KCNQ3: variants seen among roughly 807,000 people sequenced by gnomAD.
KCNQ3 encodes potassium voltage-gated channel subfamily Q member 3.
A neutral mutation model predicts 92.5 loss-of-function variants in KCNQ3; 30 were observed. The ratio of observed to expected loss-of-function variants is 0.32; its 90% CI spans 0.24 to 0.44. KCNQ3 has a LOEUF of 0.44. Ranked by LOEUF, KCNQ3 falls within the 20% of genes least tolerant of loss-of-function variation. KCNQ3 has a pLI of 1.00. For missense variants in KCNQ3, 913 were observed against 1,140.3 expected (o/e 0.80, Z 2.87); for synonymous variants, 450 against 468.8 (o/e 0.96, Z 0.52).
chr8:132,420,112 CT>C (rs1219319668), intron 1 of KCNQ3, among the ~76,000 whole-genome samples: 3 of 152,232 alleles, frequency 2.0e-5, no homozygotes, highest in African/African-American at 7.2e-5. Flanking sequence ...ACACCTTCTC[CT>C]TGTGGTCTCA....
chr8:132,224,125 G>A (rs1323440245), intron 1 of KCNQ3, among the ~76,000 whole-genome samples: 3 of 108,296 alleles, frequency 2.8e-5, no homozygotes, highest in African/African-American at 6.6e-5. Flanking sequence ...TGGAGAGACA[G>A]GGTGTTGCTA....
intron 1 of KCNQ3, among the ~76,000 whole-genome samples, chr8:132,363,997 CTG>C (rs1433399305): frequency 6.6e-6 from 1 of 151,814 alleles, no homozygotes; most frequent in Non-Finnish European, 1.5e-5. Context: ...AGTTTGTGTT[CTG>C]TTCTTGGCTA....
At chr8:132,238,994 G>A (rs898567076) in intron 1 of KCNQ3, among the ~76,000 whole-genome samples, 1 of 152,238 alleles carries the variant, frequency 6.6e-6, no homozygotes, top group African/African-American at 2.4e-5. Flanking sequence ...GCAAAGTCAT[G>A]AAATACTTTA....
intron 1 of KCNQ3, among the ~76,000 whole-genome samples, chr8:132,261,308 A>G (rs565705540): frequency 6.6e-6 from 1 of 152,234 alleles, no homozygotes; most frequent in East Asian, 1.9e-4. Context: ...CTGCCTTCAT[A>G]TGTGCCTGCC....
At chr8:132,263,500 G>A (rs1236414614) in intron 1 of KCNQ3, among the ~76,000 whole-genome samples, 1 of 152,208 alleles carries the variant, frequency 6.6e-6, no homozygotes, top group Non-Finnish European at 1.5e-5. Context: ...TCCTGAGGCT[G>A]GGGCTGGATG....
chr8:132,360,981 T>C (rs1819150784), intron 1 of KCNQ3, among the ~76,000 whole-genome samples: 2 of 152,184 alleles, frequency 1.3e-5, no homozygotes, highest in Admixed American at 1.3e-4. Flanking sequence ...ACTGCTTGGC[T>C]CTTCATTATG....
chr8:132,206,567 C>T (rs1224084861), intron 1 of KCNQ3, among the ~76,000 whole-genome samples: 2 of 152,190 alleles, frequency 1.3e-5, no homozygotes, highest in Non-Finnish European at 2.9e-5. Flanking sequence ...TGATAGTCCA[C>T]ATTTTATATT....
At chr8:132,371,764 C>T (rs1415124447) in intron 1 of KCNQ3, among the ~76,000 whole-genome samples, 4 of 152,322 alleles carry the variant, frequency 2.6e-5, no homozygotes, top group Non-Finnish European at 5.9e-5. Flanking sequence ...GCTGCATCCT[C>T]CCAAGCACTA....
In KCNQ3 at chr8:132,479,708, GGC is replaced by G. The variant is rs1433458364; in HGVS notation, c.386+437_386+438del. Reference sequence around the variant, plus strand: ...CCTCCCATCCCCAACTAAACTCAGTGGCGATCCCAACAGAAGGGATCCACCCG... The same window carrying G: ...CCTCCCATCCCCAACTAAACTCAGTGGATCCCAACAGAAGGGATCCACCCG... On this transcript the variant is annotated intron_variant, in intron 1 of 14. Transcript: ENST00000388996. Among the ~76,000 whole-genome samples the G allele has an allele frequency of 3.3e-5, 5 of 149,826 alleles. No individual in the cohort carries two copies. The East Asian group carries it at 1.0e-3, about 30-fold the overall frequency.
At chr8:132,148,967 T>A (rs955292906) in intron 9 of KCNQ3, among the ~76,000 whole-genome samples, 8 of 152,254 alleles carry the variant, frequency 5.3e-5, no homozygotes, top group Non-Finnish European at 8.8e-5. Context: ...AATCTCCTGT[T>A]ATAAACCTCG....
chr8:132,317,487 T>C (rs1469691146), intron 1 of KCNQ3, among the ~76,000 whole-genome samples: 3 of 152,204 alleles, frequency 2.0e-5, no homozygotes, highest in Non-Finnish European at 4.4e-5. Flanking sequence ...GGTAGAGTGA[T>C]GAGTTTGACT....
intron 1 of KCNQ3, among the ~76,000 whole-genome samples, chr8:132,404,401 A>C (rs969985637): frequency 6.6e-6 from 1 of 152,202 alleles, no homozygotes; most frequent in African/African-American, 2.4e-5. Context: ...TAATTTATAG[A>C]GGTGATTAAA....
chr8:132,250,469 T>C (rs567571554), intron 1 of KCNQ3, among the ~76,000 whole-genome samples: 55 of 152,280 alleles, frequency 3.6e-4, no homozygotes, highest in African/African-American at 1.3e-3. Flanking sequence ...TGTGTCGTTA[T>C]TATTTTATAC....
intron 1 of KCNQ3, chr8:132,447,287 C>G: frequency 6.5e-7 from 1 of 1,529,452 alleles, no homozygotes; most frequent in Non-Finnish European, 8.8e-7. Context: ...TAGAAATAAC[C>G]CTAAAGCAGG....
intron 1 of KCNQ3, among the ~76,000 whole-genome samples, chr8:132,269,648 T>A (rs568594723): frequency 6.6e-6 from 1 of 152,194 alleles, no homozygotes; most frequent in Non-Finnish European, 1.5e-5. Context: ...TTAGACTTCA[T>A]ATCAGAGAGA....
chr8:132,182,771 G>A (rs1406180113), intron 3 of KCNQ3, among the ~76,000 whole-genome samples: 2 of 151,984 alleles, frequency 1.3e-5, no homozygotes, highest in African/African-American at 4.8e-5. Context: ...AACTTGGAGG[G>A]AAGAAAAATA....
At chr8:132,243,220 A>G (rs1047012658) in intron 1 of KCNQ3, among the ~76,000 whole-genome samples, 1 of 152,234 alleles carries the variant, frequency 6.6e-6, no homozygotes, top group African/African-American at 2.4e-5. Context: ...GGAGGCTTAC[A>G]AAGGTTCAAT....
chr8:132,250,029 G>A (rs567239074), intron 1 of KCNQ3, among the ~76,000 whole-genome samples: 19 of 152,202 alleles, frequency 1.2e-4, no homozygotes, highest in Admixed American at 2.0e-4. Context: ...GTTCCCACCC[G>A]TGCCTCTCCC....
At chr8:132,434,034 C>G (rs1052050940) in intron 1 of KCNQ3, among the ~76,000 whole-genome samples, 1 of 151,912 alleles carries the variant, frequency 6.6e-6, no homozygotes, top group Non-Finnish European at 1.5e-5. Context: ...CGGTGAAACC[C>G]CGTCTCTACT....
Sources: allele counts gnomAD v4.1 joint callset (sites outside exome capture counted in the v4.1 genomes callset), GRCh38; gene constraint gnomAD v4.1.1; transcripts MANE v1.5; gene names NCBI Gene and HGNC (gene_info 2026-07-23, HGNC 2026-07-21).